CNTLN: variants seen among roughly 807,000 people sequenced by gnomAD.
CNTLN encodes the protein centlein, also known as centlein, centrosomal protein.
CNTLN carries 212 observed loss-of-function variants against 180.0 expected under a neutral mutation model. That is an observed-to-expected ratio of 1.18 (90% confidence interval 1.05 to 1.32). The LOEUF is 1.32. Ranked by LOEUF, CNTLN falls within the 40% of genes most tolerant of loss-of-function variation. CNTLN has a pLI of 0.00. For missense variants in CNTLN, 2,095 were observed against 1,610.9 expected, an observed-to-expected ratio of 1.30 and a Z score of -5.14; for synonymous variants, 722 against 563.1, an observed-to-expected ratio of 1.28 and a Z score of -3.99.
chr9:17,390,848 A>T (rs1826057271), intron 14 of CNTLN, among the ~76,000 whole-genome samples: 1 of 152,130 alleles, frequency 6.6e-6, no homozygotes, highest in South Asian at 2.1e-4. Context: ...AATTTTGACC[A>T]GTTCTCATGA....
chr9:17,526,180 C>T, the CNTLN span, among the ~76,000 whole-genome samples: 1 of 152,138 alleles, frequency 6.6e-6, no homozygotes, highest in African/African-American at 2.4e-5. Context: ...TGTGATCCAC[C>T]CACCTCGGCC....
chr9:17,450,614 G>C (rs914748682), intron 18 of CNTLN, among the ~76,000 whole-genome samples: 1 of 152,154 alleles, frequency 6.6e-6, no homozygotes, highest in Admixed American at 6.5e-5. Flanking sequence ...GGTACTTAAT[G>C]GTCTCTAAAG....
intron 6 of CNTLN, among the ~76,000 whole-genome samples, chr9:17,276,555 C>A (rs760713408): frequency 6.6e-6 from 1 of 151,934 alleles, no homozygotes; most frequent in South Asian, 2.1e-4. Context: ...CCATGTCACC[C>A]ATTGTGCTAA....
intron 7 of CNTLN, among the ~76,000 whole-genome samples, chr9:17,302,202 C>T (rs1021181984): frequency 7.0e-6 from 1 of 143,392 alleles, no homozygotes. Context: ...ATGCAATTCA[C>T]TTTTTTTTTT....
chr9:17,146,798 CTTA>C (rs1003396267), intron 2 of CNTLN, among the ~76,000 whole-genome samples: 15 of 152,010 alleles, frequency 9.9e-5, no homozygotes, highest in Non-Finnish European at 2.2e-4. Flanking sequence ...CTAAAAATTA[CTTA>C]TTTTTTAATT....
chr9:17,433,631 T>C (rs1829564751), intron 18 of CNTLN, among the ~76,000 whole-genome samples: 1 of 152,054 alleles, frequency 6.6e-6, no homozygotes. Context: ...TTTTTGTTTC[T>C]TTTTTGTTGT....
intron 12 of CNTLN, among the ~76,000 whole-genome samples, chr9:17,353,687 C>A (rs1181680772): frequency 6.6e-6 from 1 of 151,714 alleles, no homozygotes; most frequent in Non-Finnish European, 1.5e-5. Context: ...GCAACCTCTG[C>A]CTCTTGGTTT....
intron 18 of CNTLN, among the ~76,000 whole-genome samples, chr9:17,432,839 G>T (rs1276620968): frequency 2.0e-5 from 3 of 151,908 alleles, no homozygotes; most frequent in Non-Finnish European, 4.4e-5. Context: ...GACCAACATA[G>T]CAAAACCCCG....
At chr9:17,299,036 G>T in intron 7 of CNTLN, 1 of 568,074 alleles carries the variant, frequency 1.8e-6, no homozygotes, top group Non-Finnish European at 2.2e-6. Context: ...AAGGTCAAGA[G>T]ATCGAGACCA....
chr9:17,209,179 G>A (rs571403758), intron 2 of CNTLN, among the ~76,000 whole-genome samples: 29 of 151,930 alleles, frequency 1.9e-4, no homozygotes, highest in Non-Finnish European at 2.8e-4. Flanking sequence ...TTTCTTCATC[G>A]TCATTCAAGA....
chr9:17,216,669 G>A (rs1249426356), intron 2 of CNTLN, among the ~76,000 whole-genome samples: 1 of 151,882 alleles, frequency 6.6e-6, no homozygotes. Flanking sequence ...TGTTTGATAG[G>A]GAGACTATTT....
intron 10 of CNTLN, among the ~76,000 whole-genome samples, chr9:17,339,720 G>A (rs10810764): frequency 0.56 from 85,663 of 152,068 alleles, 24,710 homozygotes; most frequent in East Asian, 0.73. Flanking sequence ...GAAGAAACTG[G>A]AGAAGTTACT....
intron 6 of CNTLN, among the ~76,000 whole-genome samples, chr9:17,292,007 A>G (rs1829446787): frequency 6.6e-6 from 1 of 152,114 alleles, no homozygotes; most frequent in African/African-American, 2.4e-5. Context: ...GTGACTAATT[A>G]CCTCAGCATT....
At chr9:17,524,069 A>C in the CNTLN span, among the ~76,000 whole-genome samples, 3 of 152,200 alleles carry the variant, frequency 2.0e-5, no homozygotes, top group African/African-American at 7.2e-5. Flanking sequence ...TAAATTGACA[A>C]CCTGTATGTC....
At chr9:17,185,886 G>C (rs1821406954) in intron 2 of CNTLN, among the ~76,000 whole-genome samples, 3 of 151,770 alleles carry the variant, frequency 2.0e-5, no homozygotes, top group Admixed American at 6.6e-5. Flanking sequence ...TCTACCTCCT[G>C]GGCTCAAGTG....
At chr9:17,298,604 A>G (rs1563972656) in intron 7 of CNTLN, 4 of 1,074,922 alleles carry the variant, frequency 3.7e-6, no homozygotes, top group Non-Finnish European at 4.5e-6. Context: ...ATTTTTATAA[A>G]TTGGCATTCA....
chr9:17,489,633 A>T (rs901420102), intron 25 of CNTLN, among the ~76,000 whole-genome samples: 1 of 152,098 alleles, frequency 6.6e-6, no homozygotes, highest in Non-Finnish European at 1.5e-5. Context: ...ACCACAAAAT[A>T]AAAAGCTGTT....
intron 1 of CNTLN, among the ~76,000 whole-genome samples, chr9:17,140,502 A>G (rs1447295002): frequency 1.3e-5 from 2 of 152,086 alleles, no homozygotes; most frequent in Non-Finnish European, 2.9e-5. Flanking sequence ...GTATGGTTTC[A>G]TGATCATGGC....
rs71331486 is a variant in CNTLN at position 17,338,337 on chromosome 9, G to GT, written c.1645-2472dup. ...CTGCTATCACTCCTGGCTAATTTTT[G>GT]TTTTTTTTTTTTTTTTTTAGAGATG... On this transcript the variant is annotated intron_variant, in intron 10 of 25. Transcript: ENST00000380647. Among the ~76,000 whole-genome samples the GT allele has an allele frequency of 1.9e-3, 187 of 100,430 alleles. 7 individuals carry two copies. The highest frequency in any genetic ancestry group is 0.013 in the Middle Eastern group (2 of 156). The allele number at this position is 100,430 out of a possible 152,430, so 65.9% of individuals were successfully genotyped here.
Sources: gnomAD v4.1 joint callset for allele counts (sites outside exome capture counted in the v4.1 genomes callset) on GRCh38, gnomAD v4.1.1 for gene constraint, MANE v1.5 for transcripts, NCBI Gene and HGNC (gene_info 2026-07-23, HGNC 2026-07-21) for gene names.